The following ALB variants were observed in gnomAD, a reference collection of about 807,000 sequenced individuals.
The protein encoded by ALB is albumin.
ALB carries 37 observed loss-of-function variants against 74.5 expected under a neutral mutation model. The ratio of observed to expected loss-of-function variants is 0.50; its 90% CI spans 0.38 to 0.65. ALB has a LOEUF of 0.65. Ranked by LOEUF, ALB falls within the 30% of genes least tolerant of loss-of-function variation. The probability of loss-of-function intolerance (pLI) is 0.00; values close to 1 mark genes in which losing one functional copy is unlikely to be tolerated. For missense variants in ALB, 685 were observed against 718.7 expected (o/e 0.95, Z 0.54); for synonymous variants, 249 against 251.6 (o/e 0.99, Z 0.10).
In ALB at chr4:73,420,250, T is replaced by A; in HGVS notation, c.1786-4T>A. 6.2e-7 allele frequency: 1 copy of A among 1,612,140 alleles called. No individual in the cohort carries two copies. Among genetic ancestry groups the A allele is most frequent in the Non-Finnish European group, 8.5e-7 (1 of 1,178,494 alleles). ...CCTAACATCTGTCATGTCTTTGTGT[T>A]CAGGGTAAAAAACTTGTTGCTGCAA... On this transcript the variant is annotated splice_polypyrimidine_tract_variant and splice_region_variant and intron_variant, in intron 13 of 14. Transcript: ENST00000295897.
chr4:73,418,166 G>A lies in ALB; in HGVS notation c.1507G>A (p.Glu503Lys), dbSNP rs80259813. The part of the protein sequence containing the change: ...VSDRVTKCCT[E>K]SLVNRRPCFS... ...TGACAGAGTCACCAAATGCTGCACA[G>A]AATCCTTGGTGAACAGGCGACCATG... The change falls in exon 12 of 15, where the codon GAA becomes AAA. Residue 503 changes from glutamate (E) to lysine (K), a missense_variant. Coordinates refer to ENST00000295897, the MANE Select transcript of ALB (RefSeq NM_000477.7). The A allele has an allele frequency of 4.3e-6, 7 of 1,614,206 alleles. No individual in the cohort carries two copies. Among genetic ancestry groups the A allele is most frequent in the Non-Finnish European group, 5.9e-6 (7 of 1,180,032 alleles).
chr4:73,412,739 C>A (rs1718912200), intron 7 of ALB, among the ~76,000 whole-genome samples: 1 of 152,236 alleles, frequency 6.6e-6, no homozygotes, highest in South Asian at 2.1e-4. Flanking sequence ...GCCACCTTGC[C>A]CAGCCTAAGA....
intron 9 of ALB, 39 bp downstream of exon 9, chr4:73,415,206 G>A (rs752290182): frequency 1.2e-6 from 2 of 1,609,482 alleles, no homozygotes; most frequent in South Asian, 1.1e-5. Context: ...TTCTTTGACT[G>A]ATGATTCCAA....
Position 73,413,421 on chromosome 4 carries a change from C to A in ALB, c.845C>A (p.Ala282Glu). The A allele has an allele frequency of 6.2e-7, 1 of 1,612,928 alleles. No homozygotes were observed. The highest frequency in any genetic ancestry group is 8.5e-7 in the Non-Finnish European group (1 of 1,178,956). The change falls in exon 8 of 15, where the codon GCG becomes GAG. Residue 282 changes from alanine to glutamate, a missense_variant and splice_region_variant. Transcript: ENST00000295897. ...GDLLECADDR[A>E]DLAKYICENQ... is the part of the protein sequence containing the mutation. The stretch of plus-strand genomic sequence containing the variant: ...CAATTTCCACCAACTTACTTATAGG[C>A]GGACCTTGCCAAGTATATCTGTGAA...
Position 73,413,588 on chromosome 4 carries a change from G to T in ALB, c.1012G>T (p.Asp338Tyr). The T allele has an allele frequency of 6.2e-7, 1 of 1,614,162 alleles. No homozygotes were observed. The highest frequency in any genetic ancestry group is 8.5e-7 in the Non-Finnish European group (1 of 1,180,006). ...SLAADFVESK[D>Y]VCKNYAEAKD... is the part of the protein sequence containing the mutation. ...AGCTGCTGATTTTGTTGAAAGTAAG[G>T]ATGTTTGCAAAAACTATGCTGAGGC... Residue 338 changes from aspartate to tyrosine, a missense_variant, in exon 8 of 15, where the codon GAT becomes TAT. Transcript: ENST00000295897.
chr4:73,414,803 C>G (rs187046593), intron 8 of ALB, among the ~76,000 whole-genome samples: 1 of 152,164 alleles, frequency 6.6e-6, no homozygotes, highest in East Asian at 1.9e-4. Flanking sequence ...GACTAAGGCT[C>G]TGATCATTTA....
intron 12 of ALB, among the ~76,000 whole-genome samples, chr4:73,418,894 C>A (rs1212196094): frequency 6.6e-6 from 1 of 152,176 alleles, no homozygotes; most frequent in East Asian, 1.9e-4. Context: ...TATTGCAAAA[C>A]CTGTCATGCC....
intron 2 of ALB, among the ~76,000 whole-genome samples, chr4:73,405,935 T>A (rs1224791517): frequency 6.6e-6 from 1 of 151,850 alleles, no homozygotes; most frequent in Non-Finnish European, 1.5e-5. Context: ...ATTGTTTTTT[T>A]AAAAGTCTAC....
chr4:73,412,595 G>A (rs1045233945), intron 7 of ALB, among the ~76,000 whole-genome samples: 3 of 152,142 alleles, frequency 2.0e-5, no homozygotes, highest in African/African-American at 4.8e-5. Flanking sequence ...ACAGGCATGC[G>A]CCACCACACC....
intron 12 of ALB, among the ~76,000 whole-genome samples, 158 bp downstream of exon 12, chr4:73,418,469 G>A (rs1719073287): frequency 6.6e-6 from 1 of 152,074 alleles, no homozygotes; most frequent in Non-Finnish European, 1.5e-5. Context: ...AGAATAAAAT[G>A]AATAACTTTT....
intron 14 of ALB, 100 bp downstream of exon 14, chr4:73,420,421 C>A: frequency 1.3e-6 from 1 of 747,494 alleles, no homozygotes; most frequent in South Asian, 1.9e-5. Context: ...CAGCACCGAC[C>A]ACTATTCTAA....
At chr4:73,415,722 A>G (rs1376174237) in intron 9 of ALB, among the ~76,000 whole-genome samples, 1 of 152,184 alleles carries the variant, frequency 6.6e-6, no homozygotes, top group African/African-American at 2.4e-5. Flanking sequence ...TCCTGCTTTC[A>G]AGAAGCTACT....
intron 2 of ALB, among the ~76,000 whole-genome samples, chr4:73,406,094 A>AAAAC (rs926683304): frequency 6.6e-6 from 1 of 151,990 alleles, no homozygotes; most frequent in South Asian, 2.1e-4. Flanking sequence ...TAAAAAAAAC[A>AAAAC]AAACAAACAA....
rs1349629468 is a variant in ALB at position 73,417,853 on chromosome 4, T to TG, written c.1428+184_1428+185insG. Among the ~76,000 whole-genome samples, 3 of 151,340 alleles carry TG rather than the reference T, an allele frequency of 2.0e-5. No homozygotes were observed. The East Asian group carries it at 5.8e-4, about 29-fold the overall frequency. ...AGTCAAGGCCCCGAGGATGATAATT[T>TG]TTTTTTTTTTTTTGAGACGGAGTCT... On this transcript the variant is annotated intron_variant, in intron 11 of 14. Coordinates refer to ENST00000295897, the MANE Select transcript of ALB (RefSeq NM_000477.7).
Position 73,410,293 on chromosome 4 carries a change from A to T in ALB, c.616-19A>T. On this transcript the variant is annotated intron_variant, in intron 5 of 14. Coordinates refer to ENST00000295897, the MANE Select transcript of ALB (RefSeq NM_000477.7). ...TAGAATTTTTCTTCTAATTTTCATCAAATTATTCCTTTTTGTAGCTCGATG... is the reference window on the plus strand; with the variant it reads ...TAGAATTTTTCTTCTAATTTTCATCTAATTATTCCTTTTTGTAGCTCGATG... The T allele has an allele frequency of 4.4e-6, 7 of 1,601,328 alleles. No homozygotes were observed. The highest frequency in any genetic ancestry group is 6.0e-6 in the Non-Finnish European group (7 of 1,168,368).
In ALB at chr4:73,409,335, T is replaced by C; in HGVS notation, c.483-20T>C. 6.2e-7 allele frequency: 1 copy of C among 1,611,744 alleles called. No homozygotes were observed. Among genetic ancestry groups the C allele is most frequent in the Non-Finnish European group, 8.5e-7 (1 of 1,178,084 alleles). On this transcript the variant is annotated intron_variant, in intron 4 of 14. Coordinates refer to ENST00000295897, the MANE Select transcript of ALB (RefSeq NM_000477.7). ...TTGTCTGCTATAGAAAAGTGACTGT[T>C]TTTCTTTTTCAAAATTTAGATACTT...
At chr4:73,412,475 C>T (rs1577938390) in intron 7 of ALB, among the ~76,000 whole-genome samples, 2 of 152,092 alleles carry the variant, frequency 1.3e-5, no homozygotes, top group East Asian at 3.9e-4. Flanking sequence ...GACAGAGTTT[C>T]GCTCTTGTTT....
chr4:73,420,320 AG>A lies in ALB; in HGVS notation c.*23+1del. 6.3e-7 allele frequency: 1 copy of A among 1,595,694 alleles called. No individual in the cohort carries two copies. The highest frequency in any genetic ancestry group is 8.6e-7 in the Non-Finnish European group (1 of 1,165,312). On this transcript the variant is annotated splice_region_variant and 3_prime_UTR_variant, in exon 14 of 15. Transcript: ENST00000295897. ...ATAACATCACATTTAAAAGCATCTCAGGTAACTATATTTTGAATTTTTTAAA... is the reference window on the plus strand; with the variant it reads ...ATAACATCACATTTAAAAGCATCTCAGTAACTATATTTTGAATTTTTTAAA...
Position 73,417,688 on chromosome 4 carries a change from A to G in ALB, c.1428+19A>G, listed in dbSNP as rs746116350. 1.3e-6 allele frequency: 2 copies of G among 1,537,364 alleles called. No homozygotes were observed. Among genetic ancestry groups the G allele is most frequent in the East Asian group, 2.4e-5 (1 of 40,960 alleles). The stretch of plus-strand genomic sequence containing the variant: ...AGACTATGTGAGTCTTTAAAAAAAT[A>G]TAATAAATTAATAATGAAAAAATTT... On this transcript the variant is annotated intron_variant, in intron 11 of 14. Transcript: ENST00000295897.
Sources: allele counts gnomAD v4.1 joint callset (sites outside exome capture counted in the v4.1 genomes callset), GRCh38; gene constraint gnomAD v4.1.1; transcripts MANE v1.5; gene names NCBI Gene and HGNC (gene_info 2026-07-23, HGNC 2026-07-21).